Variants in RALYL observed in about 807,000 individuals in gnomAD.
RALYL encodes RNA-binding Raly-like protein.
RALYL carries 29 observed loss-of-function variants against 35.1 expected under a neutral mutation model. The observed-to-expected ratio is 0.83, with a 90% CI of 0.61 to 1.13. RALYL has a LOEUF of 1.13. Among genes scored for constraint, RALYL ranks in the 50% most tolerant of loss-of-function variants. RALYL has a pLI of 0.00. For synonymous variants in RALYL, 120 were observed against 127.6 expected, an observed-to-expected ratio of 0.94 and a Z score of 0.40; for missense variants, 359 against 360.4, an observed-to-expected ratio of 1.00 and a Z score of 0.03.
intron 2 of RALYL, among the ~76,000 whole-genome samples, chr8:84,686,328 A>G (rs1391746080): frequency 6.6e-6 from 1 of 152,182 alleles, no homozygotes; most frequent in Non-Finnish European, 1.5e-5. Flanking sequence ...AGAGGGGACC[A>G]AGTGTGAAAG....
chr8:84,758,884 TA>T (rs1448762253), intron 2 of RALYL, among the ~76,000 whole-genome samples: 1 of 152,212 alleles, frequency 6.6e-6, no homozygotes, highest in Non-Finnish European at 1.5e-5. Flanking sequence ...ACAAGTTTAG[TA>T]ACTTTAAAGA....
chr8:84,216,483 G>A (rs76477428), intron 1 of RALYL, among the ~76,000 whole-genome samples: 1,986 of 152,166 alleles, frequency 0.013, 34 homozygotes, highest in African/African-American at 0.044. Context: ...GCTATGTATA[G>A]TTAGTAAAAT....
chr8:84,388,909 T>A (rs1859910810), intron 1 of RALYL, among the ~76,000 whole-genome samples: 1 of 152,316 alleles, frequency 6.6e-6, no homozygotes, highest in African/African-American at 2.4e-5. Context: ...AGACATGAAG[T>A]CCTTGCTCAT....
chr8:84,292,496 G>A (rs1002673225), intron 1 of RALYL, among the ~76,000 whole-genome samples: 1 of 152,052 alleles, frequency 6.6e-6, no homozygotes, highest in East Asian at 1.9e-4. Context: ...AAACCTACTG[G>A]GCTGCATTCC....
chr8:84,862,602 T>C (rs1012837287), intron 6 of RALYL, 149 bp downstream of exon 6: 1 of 648,186 alleles, frequency 1.5e-6, no homozygotes, highest in Non-Finnish European at 2.3e-6. Flanking sequence ...GGATAAAAAA[T>C]GGTCTCTGCT....
intron 2 of RALYL, among the ~76,000 whole-genome samples, chr8:84,599,569 A>G (rs1815418636): frequency 6.6e-6 from 1 of 152,184 alleles, no homozygotes; most frequent in Non-Finnish European, 1.5e-5. Flanking sequence ...AAGGCAATAT[A>G]TATCTATTGA....
intron 4 of RALYL, among the ~76,000 whole-genome samples, chr8:84,823,449 A>C (rs1361989305): frequency 6.6e-6 from 1 of 152,204 alleles, no homozygotes; most frequent in Non-Finnish European, 1.5e-5. Flanking sequence ...GTGGTACCTA[A>C]TGGCACACAA....
intron 1 of RALYL, among the ~76,000 whole-genome samples, chr8:84,269,896 A>C (rs182402654): frequency 2.0e-4 from 30 of 152,270 alleles, no homozygotes; most frequent in Admixed American, 1.0e-3. Context: ...AATATTTTAA[A>C]ATTATAGTAG....
intron 2 of RALYL, among the ~76,000 whole-genome samples, chr8:84,667,472 A>G (rs1832315196): frequency 6.6e-6 from 1 of 152,120 alleles, no homozygotes; most frequent in Admixed American, 6.6e-5. Context: ...TTGACTAGTT[A>G]TGCTGCAGTA....
intron 2 of RALYL, among the ~76,000 whole-genome samples, chr8:84,534,510 T>C (rs2059472350): frequency 6.6e-6 from 1 of 152,210 alleles, no homozygotes; most frequent in Non-Finnish European, 1.5e-5. Flanking sequence ...ACGGAATATA[T>C]ATGTTTTTAC....
intron 3 of RALYL, 61 bp downstream of exon 3, chr8:84,774,715 G>T: frequency 9.0e-7 from 1 of 1,106,810 alleles, no homozygotes; most frequent in East Asian, 2.5e-5. Flanking sequence ...AGCTTTATAA[G>T]GCAATATAAC....
chr8:84,706,459 C>T (rs962894753), intron 2 of RALYL, among the ~76,000 whole-genome samples: 1 of 152,108 alleles, frequency 6.6e-6, no homozygotes, highest in African/African-American at 2.4e-5. Context: ...GTTATTCATC[C>T]AATTTCAATT....
intron 3 of RALYL, among the ~76,000 whole-genome samples, chr8:84,790,281 C>A (rs1192569907): frequency 6.6e-6 from 1 of 152,184 alleles, no homozygotes; most frequent in African/African-American, 2.4e-5. Flanking sequence ...AGGGACAAAC[C>A]AAATTGGTGG....
intron 1 of RALYL, among the ~76,000 whole-genome samples, chr8:84,237,536 T>G (rs566749100): frequency 6.5e-4 from 99 of 152,192 alleles, no homozygotes; most frequent in African/African-American, 2.2e-3. Context: ...TTTTTTTAAA[T>G]ACATTTTATT....
chr8:84,519,718 T>G (rs1177986519), intron 1 of RALYL, among the ~76,000 whole-genome samples: 1 of 152,200 alleles, frequency 6.6e-6, no homozygotes, highest in Non-Finnish European at 1.5e-5. Context: ...TGGAACCCCT[T>G]TTAGCAATGT....
At chr8:84,745,708 TGGG>T (rs1808449606) in intron 2 of RALYL, among the ~76,000 whole-genome samples, 1 of 152,090 alleles carries the variant, frequency 6.6e-6, no homozygotes, top group Non-Finnish European at 1.5e-5. Flanking sequence ...AAACAGAAAC[TGGG>T]AAAACTGTAA....
intron 1 of RALYL, among the ~76,000 whole-genome samples, chr8:84,325,518 C>T (rs971354518): frequency 3.3e-5 from 5 of 152,192 alleles, no homozygotes; most frequent in Non-Finnish European, 1.5e-5. Flanking sequence ...AAATTCTCCA[C>T]CTCTGATTTG....
At chr8:84,461,353 T>C (rs1475423892) in intron 1 of RALYL, among the ~76,000 whole-genome samples, 6 of 151,648 alleles carry the variant, frequency 4.0e-5, no homozygotes, top group Non-Finnish European at 5.9e-5. Flanking sequence ...AAGAGAATAT[T>C]GCAAGAATGA....
Position 84,339,405 on chromosome 8 carries a change from T to C in RALYL, c.-24+154981T>C, listed in dbSNP as rs1048627395. On this transcript the variant is annotated intron_variant, in intron 1 of 8. Transcript: ENST00000521268. ...GATTAATGGCAGGATTAGATTCTCA[T>C]AGGAGCATGAATCCTATTGTAGGTT... Among the ~76,000 whole-genome samples, 3 of 151,862 alleles carry C rather than the reference T, an allele frequency of 2.0e-5. No individual in the cohort carries two copies. The East Asian group carries it at 5.8e-4, about 29-fold the overall frequency.
Sources: allele counts gnomAD v4.1 joint callset (sites outside exome capture counted in the v4.1 genomes callset), GRCh38; gene constraint gnomAD v4.1.1; transcripts MANE v1.5; gene names NCBI Gene and HGNC (gene_info 2026-07-23, HGNC 2026-07-21).